Variants in CCL26 observed in about 807,000 individuals in gnomAD.
CCL26 encodes the protein C-C motif chemokine 26.
Under a neutral mutation model 10.7 loss-of-function variants are expected in CCL26, and 10 were observed. The ratio of observed to expected loss-of-function variants is 0.93; its 90% confidence interval spans 0.57 to 1.58. The LOEUF is 1.58. CCL26 is among the 40% of genes most tolerant of loss of function. The pLI, the probability that CCL26 is intolerant of heterozygous loss-of-function variation, is 0.00. For synonymous variants in CCL26, 43 were observed against 41.4 expected (o/e 1.04, Z -0.15); for missense variants, 116 against 111.0 (o/e 1.05, Z -0.20).
upstream of CCL26, among the ~76,000 whole-genome samples, chr7:75,790,182 T>TTCCTTC (rs1554530622): frequency 4.7e-4 from 39 of 82,120 alleles, no homozygotes; most frequent in East Asian, 2.3e-3. Context: ...TTCCTTCCTT[T>TTCCTTC]CTTTCTTTCT....
upstream of CCL26, among the ~76,000 whole-genome samples, chr7:75,776,496 G>A (rs1200518333): frequency 6.7e-6 from 1 of 148,394 alleles, no homozygotes; most frequent in Non-Finnish European, 1.5e-5. Context: ...AGCTACGATT[G>A]CATCACTGCA....
At chr7:75,791,028 T>C (rs112638220), upstream of CCL26, among the ~76,000 whole-genome samples, 2 of 145,464 alleles carry the variant, frequency 1.4e-5, no homozygotes, top group Non-Finnish European at 3.0e-5. Context: ...TTTTTTTTTT[T>C]TCTTTTTTTC....
At chr7:75,791,214 A>G (rs1803325212), upstream of CCL26, among the ~76,000 whole-genome samples, 4 of 151,628 alleles carry the variant, frequency 2.6e-5, no homozygotes, top group African/African-American at 7.3e-5. Context: ...TTTAGTAGAG[A>G]CAAGGTTTTG....
chr7:75,790,214 TCTTTCTTC>T (rs1252900059), upstream of CCL26, among the ~76,000 whole-genome samples: 866 of 90,282 alleles, frequency 9.6e-3, 5 homozygotes, highest in African/African-American at 0.017. Flanking sequence ...TTTCTTTCTT[TCTTTCTTC>T]CTTCCTTCCT....
At chr7:75,777,160 AGGTG>A (rs1554528845), upstream of CCL26, among the ~76,000 whole-genome samples, 1 of 152,160 alleles carries the variant, frequency 6.6e-6, no homozygotes, top group East Asian at 1.9e-4. Flanking sequence ...TGAACCTGGG[AGGTG>A]GATATTGCAG....
chr7:75,779,481 C>T (rs1219393525), intron 1 of CCL26, among the ~76,000 whole-genome samples: 1 of 152,200 alleles, frequency 6.6e-6, no homozygotes, highest in African/African-American at 2.4e-5. Context: ...TTACTCTCTT[C>T]TCCAATCTCT....
At chr7:75,783,313 C>T (rs1554529630) in intron 1 of CCL26, among the ~76,000 whole-genome samples, 1 of 152,060 alleles carries the variant, frequency 6.6e-6, no homozygotes, top group Non-Finnish European at 1.5e-5. Flanking sequence ...TTTCTCTAGC[C>T]CAATCTCACA....
At chr7:75,779,113 C>T (rs559307318) in intron 1 of CCL26, among the ~76,000 whole-genome samples, 4 of 152,252 alleles carry the variant, frequency 2.6e-5, no homozygotes, top group African/African-American at 7.2e-5. Flanking sequence ...CTTGTGTCCC[C>T]CACCCCTGCC....
intron 1 of CCL26, chr7:75,789,623 A>T (rs1585017842): frequency 8.2e-6 from 1 of 121,552 alleles, no homozygotes; most frequent in African/African-American, 3.0e-5. Context: ...AAACCCCCAC[A>T]CTTTGCCCCC....
At chr7:75,787,879 C>T (rs1355101520) in intron 1 of CCL26, among the ~76,000 whole-genome samples, 8 of 151,960 alleles carry the variant, frequency 5.3e-5, no homozygotes, top group South Asian at 2.1e-4. Flanking sequence ...TTGTGTCTTT[C>T]GTTTAGTTTC....
At chr7:75,782,511 T>C (rs1396247055) in intron 1 of CCL26, among the ~76,000 whole-genome samples, 3 of 152,058 alleles carry the variant, frequency 2.0e-5, no homozygotes, top group Non-Finnish European at 2.9e-5. Context: ...TCCCCTTCAC[T>C]ATGGGCAACT....
chr7:75,771,931 C>G lies in CCL26; in HGVS notation c.146G>C (p.Ser49Thr), dbSNP rs1554528140. The change falls in exon 2 of 3, where the codon AGC becomes ACC. Residue 49 changes from serine to threonine, a missense_variant. Physicochemically the swap from Ser to Thr is moderately conservative, Grantham distance 58 (BLOSUM62 1). Coordinates refer to ENST00000005180, the MANE Select transcript of CCL26 (RefSeq NM_001371938.1). ...GCAGCTGTTACTGGTGAATTCATAG[C>G]TTCGCACCCAGGTCCAGGGAAGGGG... is the stretch of plus-strand genomic sequence containing the variant. ...HKPLPWTWVR[S>T]YEFTSNSCSQ... 6 of 1,614,068 alleles carry G rather than the reference C, an allele frequency of 3.7e-6. No individual in the cohort carries two copies. Among genetic ancestry groups the G allele is most frequent in the Non-Finnish European group, 5.1e-6 (6 of 1,179,936 alleles).
chr7:75,786,623 A>C (rs1361149382), intron 1 of CCL26, among the ~76,000 whole-genome samples: 1 of 152,192 alleles, frequency 6.6e-6, no homozygotes, highest in African/African-American at 2.4e-5. Context: ...ATCAAAAGGC[A>C]TCAGATCCCG....
chr7:75,779,313 G>A (rs1420639784), intron 1 of CCL26, among the ~76,000 whole-genome samples: 2 of 152,162 alleles, frequency 1.3e-5, no homozygotes, highest in Non-Finnish European at 2.9e-5. Flanking sequence ...AGTGGAATTT[G>A]GTGCTGTGAC....
At chr7:75,788,208 AC>A (rs1803245984) in intron 1 of CCL26, among the ~76,000 whole-genome samples, 1 of 152,150 alleles carries the variant, frequency 6.6e-6, no homozygotes, top group African/African-American at 2.4e-5. Context: ...TCCCCCAGTG[AC>A]CTGCACGTAT....
At chr7:75,778,720 A>G (rs1416891895) in intron 1 of CCL26, among the ~76,000 whole-genome samples, 1 of 149,436 alleles carries the variant, frequency 6.7e-6, no homozygotes, top group African/African-American at 2.5e-5. Context: ...TCTGCTTCCC[A>G]GGCTCAAGCT....
chr7:75,790,289 T>C (rs782301638), upstream of CCL26, among the ~76,000 whole-genome samples: 3 of 145,774 alleles, frequency 2.1e-5, no homozygotes, highest in Non-Finnish European at 4.5e-5. Context: ...CTTTCTTTTC[T>C]TTTTCTTTTC....
chr7:75,787,773 C>T (rs982565192), intron 1 of CCL26, among the ~76,000 whole-genome samples: 2 of 148,612 alleles, frequency 1.3e-5, no homozygotes, highest in Non-Finnish European at 3.0e-5. Flanking sequence ...CAAGTAATTA[C>T]ACTAAACCCC....
chr7:75,779,486 A>G (rs1291711136), intron 1 of CCL26, among the ~76,000 whole-genome samples: 3 of 151,896 alleles, frequency 2.0e-5, no homozygotes, highest in Non-Finnish European at 4.4e-5. Flanking sequence ...CTCTTCTCCA[A>G]TCTCTCTCAC....
Sources: gnomAD v4.1 joint callset for allele counts (sites outside exome capture counted in the v4.1 genomes callset) on GRCh38, gnomAD v4.1.1 for gene constraint, MANE v1.5 for transcripts, NCBI Gene and HGNC (gene_info 2026-07-23, HGNC 2026-07-21) for gene names.